Variants in DHX33 observed in about 807,000 individuals in gnomAD.
DHX33 encodes ATP-dependent RNA helicase DHX33.
Under a neutral mutation model 72.5 loss-of-function variants are expected in DHX33, and 42 were observed. The observed-to-expected ratio is 0.58, with a 90% CI of 0.45 to 0.75. The LOEUF (loss-of-function observed/expected upper bound fraction) is 0.75. DHX33 is among the 30% of genes least tolerant of loss of function. The probability of loss-of-function intolerance (pLI) is 0.00; values close to 1 mark genes in which losing one functional copy is unlikely to be tolerated. For missense variants in DHX33, 842 were observed against 917.5 expected, an observed-to-expected ratio of 0.92 and a Z score of 1.06; for synonymous variants, 358 against 366.1, an observed-to-expected ratio of 0.98 and a Z score of 0.25.
Position 5,444,010 on chromosome 17 carries a change from C to T in DHX33, c.*195G>A. ...ACCAAAAGCATAATTTTGAGGTTTC[C>T]AGGTACAAATGATATGTCCATGTCT... On this transcript the variant is annotated 3_prime_UTR_variant, in exon 12 of 12. Transcript: ENST00000225296. This position sits in a 1 kb window ranked among gnomAD's most constrained non-coding sequence, Gnocchi z 4.9. The T allele has an allele frequency of 1.8e-6, 1 of 566,734 alleles. No homozygotes were observed. The highest frequency in any genetic ancestry group is 2.9e-6 in the Non-Finnish European group (1 of 341,486). The allele number at this position is 566,734 out of a possible 1,614,324, so 35.1% of individuals were successfully genotyped here. A position where few individuals can be genotyped will look rare whatever the true frequency, so the allele number is the denominator to read the frequency against.
In DHX33 at chr17:5,445,302, C is replaced by A. The variant is rs141106626; in HGVS notation, c.1816-789G>T. Among the ~76,000 whole-genome samples the A allele has an allele frequency of 4.9e-3, 747 of 152,326 alleles. 1 individual carries two copies. The highest frequency in any genetic ancestry group is 8.6e-3 in the Non-Finnish European group (583 of 68,036). ...CCATTTTGGTCAGGCTGGTCTTGAACTCCTGACCTCAAGTGATCTGCCCGC... is the reference window on the plus strand; with the variant it reads ...CCATTTTGGTCAGGCTGGTCTTGAAATCCTGACCTCAAGTGATCTGCCCGC... On this transcript the variant is annotated intron_variant, in intron 11 of 11. Transcript: ENST00000225296.
In DHX33 at chr17:5,468,820, G is replaced by A; in HGVS notation, c.40C>T (p.Arg14Trp). 1.9e-6 allele frequency: 3 copies of A among 1,577,468 alleles called. No homozygotes were observed. Among genetic ancestry groups the A allele is most frequent in the Non-Finnish European group, 2.6e-6 (3 of 1,162,402 alleles). ...CGGCTCGGAGGTCCAGAGCCTGGCC[G>A]GAATCTCTTGGCCGGCGGGAAGCCC... is the stretch of plus-strand genomic sequence containing the variant. ...EAGFPPAKRF[R>W]PGSGPPSRAG... The change falls in exon 1 of 12, where the codon CGG (arginine) becomes TGG (tryptophan). Residue 14 changes from arginine to tryptophan, a missense_variant. Transcript: ENST00000225296.
At chr17:5,460,302 C>T (rs1288266022) in intron 4 of DHX33, among the ~76,000 whole-genome samples, 3 of 152,082 alleles carry the variant, frequency 2.0e-5, no homozygotes, top group Non-Finnish European at 4.4e-5. Context: ...GCGTGAGCCA[C>T]TGTGCCCAGC....
In DHX33 at chr17:5,468,928, A is replaced by T. The variant is rs1905009587; in HGVS notation, c.-69T>A. ...CTGCCCCCTCTCAGGTGCAGACAACAGGAGCACACCGCCCCTTCCTCGCCG... is the reference window on the plus strand; with the variant it reads ...CTGCCCCCTCTCAGGTGCAGACAACTGGAGCACACCGCCCCTTCCTCGCCG... On this transcript the variant is annotated 5_prime_UTR_variant, in exon 1 of 12. Coordinates refer to ENST00000225296, the MANE Select transcript of DHX33 (RefSeq NM_020162.4). 6.6e-7 allele frequency: 1 copy of T among 1,510,530 alleles called. No homozygotes were observed. The highest frequency in any genetic ancestry group is 1.4e-5 in the African/African-American group (1 of 71,662). The allele number at this position is 1,510,530 out of a possible 1,614,324, so 93.6% of individuals were successfully genotyped here.
Position 5,443,773 on chromosome 17 carries a change from C to T in DHX33, c.*432G>A, listed in dbSNP as rs1187688655. 1 of 162,224 alleles carries T rather than the reference C, an allele frequency of 6.2e-6. No homozygotes were observed. Among genetic ancestry groups the T allele is most frequent in the East Asian group, 1.8e-4 (1 of 5,654 alleles). The allele number at this position is 162,224 out of a possible 1,614,324, so 10.0% of individuals were successfully genotyped here. A position where few individuals can be genotyped will look rare whatever the true frequency, so the allele number is the denominator to read the frequency against. On this transcript the variant is annotated 3_prime_UTR_variant, in exon 12 of 12. Coordinates refer to ENST00000225296, the MANE Select transcript of DHX33 (RefSeq NM_020162.4). Reference sequence around the variant, plus strand: ...GAACTTGGGATATTGCTGTACTTCACATCATATGGCAAGCAGTAACATTCA... The same window carrying T: ...GAACTTGGGATATTGCTGTACTTCATATCATATGGCAAGCAGTAACATTCA...
In DHX33 at chr17:5,462,300, GGGGAAGTTTCCCTCATACTTTCAGA is replaced by G; in HGVS notation, c.672_678+18del. 6.2e-7 allele frequency: 1 copy of G among 1,606,260 alleles called. No homozygotes were observed. Among genetic ancestry groups the G allele is most frequent in the Non-Finnish European group, 8.5e-7 (1 of 1,173,516 alleles). On this transcript the variant is annotated splice_donor_variant and splice_donor_5th_base_variant and coding_sequence_variant and intron_variant, in exon 3 of 12. Coordinates refer to ENST00000225296, the MANE Select transcript of DHX33 (RefSeq NM_020162.4). LOFTEE classifies it high-confidence loss of function. The stretch of plus-strand genomic sequence containing the variant: ...AGGGGAAGTTTCCCTCATACTTTCA[GGGGAAGTTTCCCTCATACTTTCAGA>G]GGAAGTTTCCCGAGTTCCTTTCTCC...
chr17:5,463,924 A>G (rs1299889279), intron 1 of DHX33, among the ~76,000 whole-genome samples: 1 of 152,050 alleles, frequency 6.6e-6, no homozygotes, highest in Admixed American at 6.5e-5. Flanking sequence ...AGGCTGAGAC[A>G]GAAGGATCAT....
intron 4 of DHX33, among the ~76,000 whole-genome samples, chr17:5,457,680 T>A (rs1032669861): frequency 1.3e-5 from 2 of 151,890 alleles, no homozygotes; most frequent in African/African-American, 2.4e-5. Flanking sequence ...TATATTTATG[T>A]ATATATGTAA....
In DHX33 at chr17:5,444,504, GC is replaced by G; in HGVS notation, c.1824del (p.Met608IlefsTer23). The G allele has an allele frequency of 1.2e-6, 2 of 1,613,300 alleles. No homozygotes were observed. The highest frequency in any genetic ancestry group is 1.7e-6 in the Non-Finnish European group (2 of 1,179,436). On this transcript the variant is annotated frameshift_variant, in exon 12 of 12. Transcript: ENST00000225296. LOFTEE classifies it high-confidence loss of function. The surrounding 1 kb of genome is among the most constrained non-coding windows in gnomAD (Gnocchi z 4.9). The stretch of plus-strand genomic sequence containing the variant: ...ACGTCTCCTCGGGATGATGCGATTG[GC>G]ATTGACATCTGTTTCGGGAGAAAGC... ...QLRDICLKMS[M>X]PIASSRGDVE...
At chr17:5,450,083 C>G (rs1384151933) in intron 10 of DHX33, 120 bp downstream of exon 10, 3 of 1,219,558 alleles carry the variant, frequency 2.5e-6, no homozygotes, top group Non-Finnish European at 3.5e-6. Flanking sequence ...TTTTGTGATT[C>G]TTTAGATAAT....
chr17:5,466,636 A>G (rs2151693617), intron 1 of DHX33, among the ~76,000 whole-genome samples: 1 of 152,368 alleles, frequency 6.6e-6, no homozygotes, highest in Non-Finnish European at 1.5e-5. Flanking sequence ...TTACAATTTA[A>G]AAGTGATTAG....
chr17:5,465,127 CCT>C (rs1310085098), intron 1 of DHX33, among the ~76,000 whole-genome samples: 70 of 152,290 alleles, frequency 4.6e-4, no homozygotes, highest in Admixed American at 3.6e-3. Flanking sequence ...TACTTCCTAC[CCT>C]GTGTGAATTC....
In DHX33 at chr17:5,441,154, C is replaced by T. The variant is rs1916423195; in HGVS notation, c.*3051G>A. ...AAAAAAAAATGCATGGCCACAGTTC[C>T]AGGCAGTTCCTGGTAGCTGGATTTA... is the stretch of plus-strand genomic sequence containing the variant. On this transcript the variant is annotated 3_prime_UTR_variant, in exon 12 of 12. Coordinates refer to ENST00000225296, the MANE Select transcript of DHX33 (RefSeq NM_020162.4). 1 of 116,102 alleles carries T rather than the reference C, an allele frequency of 8.6e-6. No homozygotes were observed. The highest frequency in any genetic ancestry group is 3.5e-5 in the African/African-American group (1 of 28,514). The allele number at this position is 116,102 out of a possible 1,614,324, so 7.2% of individuals were successfully genotyped here.
At chr17:5,455,938 G>A (rs752767964) in intron 5 of DHX33, 59 bp downstream of exon 5, 9 of 1,540,740 alleles carry the variant, frequency 5.8e-6, no homozygotes, top group East Asian at 2.4e-5. Flanking sequence ...TACAGACCTC[G>A]CTGGTGGATC....
At chr17:5,456,463 G>A (rs1261554614) in intron 4 of DHX33, among the ~76,000 whole-genome samples, 1 of 152,066 alleles carries the variant, frequency 6.6e-6, no homozygotes, top group Non-Finnish European at 1.5e-5. Context: ...CCTGGGCAAC[G>A]CAGCAAGATC....
At position 5,462,441 on chromosome 17, in the gene DHX33, G is replaced by A. The variant is rs1322028888; in HGVS notation, c.556C>T (p.Arg186Trp). 19 of 1,614,060 alleles carry A rather than the reference G, an allele frequency of 1.2e-5. No individual in the cohort carries two copies. Among genetic ancestry groups the A allele is most frequent in the East Asian group, 2.2e-5 (1 of 44,890 alleles). The change falls in exon 3 of 12, where the codon CGG becomes TGG. Residue 186 changes from arginine to tryptophan, a missense_variant. Arg to Trp is a moderately radical substitution (Grantham distance 101, BLOSUM62 -3). Coordinates refer to ENST00000225296, the MANE Select transcript of DHX33 (RefSeq NM_020162.4). ...LREAISDSLLRKYSCVILDEA... is the reference protein window; with the variant it reads ...LREAISDSLLWKYSCVILDEA... Reference sequence around the variant, plus strand: ...TCCAAAATGACACAGCTGTATTTCCGAAGCAAAGAGTCTGAAATTGCTTCA... The same window carrying A: ...TCCAAAATGACACAGCTGTATTTCCAAAGCAAAGAGTCTGAAATTGCTTCA...
intron 10 of DHX33, 48 bp downstream of exon 10, chr17:5,450,155 C>A (rs756101514): frequency 1.2e-6 from 2 of 1,607,466 alleles, no homozygotes; most frequent in Non-Finnish European, 1.7e-6. Context: ...AAGCACATAG[C>A]AGAGACAAGC....
At position 5,463,646 on chromosome 17, in the gene DHX33, C is replaced by T. The variant is rs771012348; in HGVS notation, c.333G>A (p.Leu111=). 3.1e-6 allele frequency: 5 copies of T among 1,613,628 alleles called. No homozygotes were observed. The South Asian group carries it at 5.5e-5, about 18-fold the overall frequency. ...SGKTTQIPQY[L]YEGGISRQGI... ...CCTGGCGGCTGATCCCTCCTTCATACAGGTACTGAGGGATCTGAGTTGTCT... is the reference window on the plus strand; with the variant it reads ...CCTGGCGGCTGATCCCTCCTTCATATAGGTACTGAGGGATCTGAGTTGTCT... Residue 111 remains leucine (L), a synonymous_variant, in exon 2 of 12, where the codon CTG becomes CTA. Transcript: ENST00000225296.
At chr17:5,454,061 G>A (rs950508596) in intron 6 of DHX33, 81 bp from the exon 7 acceptor site, 2 of 1,525,980 alleles carry the variant, frequency 1.3e-6, no homozygotes, top group Non-Finnish European at 1.8e-6. Context: ...AAGCACACCA[G>A]TGGTTCTTTC....
Sources: gnomAD v4.1 joint callset for allele counts (sites outside exome capture counted in the v4.1 genomes callset) on GRCh38, gnomAD v4.1.1 for gene constraint, Gnocchi (gnomAD v3.1) non-coding constraint, MANE v1.5 for transcripts, NCBI Gene and HGNC (gene_info 2026-07-23, HGNC 2026-07-21) for gene names.